Variants in THADA observed in about 807,000 individuals in gnomAD.
THADA encodes the protein tRNA (32-2'-O)-methyltransferase regulator THADA.
Under a neutral mutation model 219.8 loss-of-function variants are expected in THADA, and 213 were observed. The ratio of observed to expected loss-of-function variants is 0.97; its 90% CI spans 0.87 to 1.09. The LOEUF (loss-of-function observed/expected upper bound fraction) is 1.09. Ranked by LOEUF, THADA falls within the 50% of genes least tolerant of loss-of-function variation. THADA has a pLI of 0.00. For synonymous variants in THADA, 1,018 were observed against 828.9 expected, an observed-to-expected ratio of 1.23 and a Z score of -3.92; for missense variants, 2,956 against 2,311.3, an observed-to-expected ratio of 1.28 and a Z score of -5.72.
chr2:43,421,540 G>C (rs1677720707), intron 28 of THADA, among the ~76,000 whole-genome samples: 1 of 152,182 alleles, frequency 6.6e-6, no homozygotes. Flanking sequence ...CTCTGTTCAA[G>C]ATACTTTGGG....
chr2:43,452,498 G>T (rs1012867381), intron 26 of THADA, among the ~76,000 whole-genome samples: 1 of 152,018 alleles, frequency 6.6e-6, no homozygotes, highest in Non-Finnish European at 1.5e-5. Context: ...GACATTCCAA[G>T]GTTTCTATTT....
intron 28 of THADA, among the ~76,000 whole-genome samples, chr2:43,409,649 G>A (rs538600446): frequency 3.9e-5 from 6 of 152,030 alleles, no homozygotes; most frequent in Non-Finnish European, 5.9e-5. Flanking sequence ...ATTTAATTTT[G>A]TTTTTCTGGT....
chr2:43,559,244 T>C (rs1319593048), intron 16 of THADA, among the ~76,000 whole-genome samples: 1 of 152,030 alleles, frequency 6.6e-6, no homozygotes, highest in Admixed American at 6.5e-5. Context: ...ACCTGAAAAA[T>C]CATAGGCATC....
intron 36 of THADA, among the ~76,000 whole-genome samples, chr2:43,277,457 C>T (rs1213607941): frequency 6.6e-6 from 1 of 152,176 alleles, no homozygotes; most frequent in African/African-American, 2.4e-5. Context: ...CACATCTCTC[C>T]CTTCCTTTGG....
At chr2:43,400,992 C>A (rs150444726) in intron 28 of THADA, among the ~76,000 whole-genome samples, 7 of 152,064 alleles carry the variant, frequency 4.6e-5, no homozygotes, top group African/African-American at 1.7e-4. Context: ...AATCGGATAG[C>A]CTCTGTCTCT....
At chr2:43,547,568 T>C (rs1287955443) in intron 20 of THADA, among the ~76,000 whole-genome samples, 1 of 152,206 alleles carries the variant, frequency 6.6e-6, no homozygotes. Context: ...TTCATTTCTT[T>C]TTATTCTTTT....
At chr2:43,573,956 T>A (rs1481385462) in intron 11 of THADA, among the ~76,000 whole-genome samples, 2 of 152,228 alleles carry the variant, frequency 1.3e-5, no homozygotes, top group Admixed American at 6.5e-5. Context: ...TTACCTGTCT[T>A]TAACCTTGCC....
chr2:43,509,256 T>C (rs1690083305), intron 22 of THADA, among the ~76,000 whole-genome samples: 2 of 152,232 alleles, frequency 1.3e-5, no homozygotes, highest in Admixed American at 6.5e-5. Flanking sequence ...CACAAAATTT[T>C]CAACCAGATC....
At chr2:43,314,328 T>G (rs1362139845) in intron 31 of THADA, among the ~76,000 whole-genome samples, 2 of 152,152 alleles carry the variant, frequency 1.3e-5, no homozygotes, top group Admixed American at 6.5e-5. Flanking sequence ...TTGCATAAAA[T>G]TTATAAAATG....
intron 36 of THADA, among the ~76,000 whole-genome samples, chr2:43,247,004 C>A (rs1320281634): frequency 2.0e-5 from 3 of 152,172 alleles, no homozygotes; most frequent in Non-Finnish European, 1.5e-5. Context: ...GGGTTTTGGG[C>A]CAACTAAAAA....
At chr2:43,420,942 G>C (rs1002317487) in intron 28 of THADA, among the ~76,000 whole-genome samples, 8 of 152,218 alleles carry the variant, frequency 5.3e-5, no homozygotes, top group African/African-American at 1.9e-4. Flanking sequence ...AAAGGAGGCA[G>C]AGTAAGTAGC....
chr2:43,235,954 C>G (rs1464455831), intron 36 of THADA, among the ~76,000 whole-genome samples: 2 of 151,924 alleles, frequency 1.3e-5, no homozygotes, highest in African/African-American at 4.8e-5. Flanking sequence ...TTACAGGCAC[C>G]CGCCACCACG....
intron 26 of THADA, among the ~76,000 whole-genome samples, chr2:43,438,193 T>G (rs1241196952): frequency 6.8e-6 from 1 of 148,116 alleles, no homozygotes; most frequent in Non-Finnish European, 1.5e-5. Flanking sequence ...TCCCAGCTAC[T>G]CGGGAGGCTG....
intron 25 of THADA, among the ~76,000 whole-genome samples, chr2:43,498,348 T>G (rs992852182): frequency 2.0e-5 from 3 of 152,204 alleles, no homozygotes; most frequent in Non-Finnish European, 4.4e-5. Context: ...GCCACTGCAT[T>G]GTATATACTT....
At chr2:43,580,239 T>C (rs894944508) in intron 8 of THADA, among the ~76,000 whole-genome samples, 11 of 151,796 alleles carry the variant, frequency 7.2e-5, no homozygotes, top group African/African-American at 2.7e-4. Context: ...CAGGATTTCA[T>C]CATGTTGGCC....
chr2:43,309,446 A>G (rs1266172443), intron 31 of THADA, among the ~76,000 whole-genome samples: 1 of 152,228 alleles, frequency 6.6e-6, no homozygotes, highest in African/African-American at 2.4e-5. Flanking sequence ...AATGACCATC[A>G]ACTAGTAAAT....
At chr2:43,274,055 C>T (rs72877323) in intron 36 of THADA, among the ~76,000 whole-genome samples, 3,214 of 152,266 alleles carry the variant, frequency 0.021, 95 homozygotes, top group African/African-American at 0.07. Context: ...CTTCCACCTC[C>T]CTCCTAAACA....
chr2:43,523,855 A>C (rs1386468768), intron 22 of THADA, among the ~76,000 whole-genome samples: 3 of 152,212 alleles, frequency 2.0e-5, no homozygotes, highest in African/African-American at 7.2e-5. Flanking sequence ...TCTCCCTTCT[A>C]GATTTAGAAT....
At chr2:43,562,405 C>G (rs778212618) in intron 15 of THADA, 2 of 152,158 alleles carry the variant, frequency 1.3e-5, no homozygotes, top group Admixed American at 6.6e-5. Context: ...CCACCACGCC[C>G]GGCTAATTTT....
Sources: gnomAD v4.1 joint callset for allele counts (sites outside exome capture counted in the v4.1 genomes callset) on GRCh38, gnomAD v4.1.1 for gene constraint, MANE v1.5 for transcripts, NCBI Gene and HGNC (gene_info 2026-07-23, HGNC 2026-07-21) for gene names.